AR: variants seen among roughly 807,000 people sequenced by gnomAD.
AR encodes dihydrotestosterone receptor.
Under a neutral mutation model 53.9 loss-of-function variants are expected in AR, and 8 were observed. That is an observed-to-expected ratio of 0.15 (90% CI 0.09 to 0.27). The LOEUF (loss-of-function observed/expected upper bound fraction) is 0.27, where lower values mean the gene tolerates loss of function less well. Among genes scored for constraint, AR ranks in the 10% least tolerant of loss-of-function variants. The pLI, the probability that AR is intolerant of heterozygous loss-of-function variation, is 1.00. For synonymous variants in AR, 359 were observed against 316.4 expected (o/e 1.13, Z -1.43); for missense variants, 639 against 742.5 (o/e 0.86, Z 1.62).
At chrX:67,617,104 T>C (rs1924158622) in intron 1 of AR, among the ~76,000 whole-genome samples, 1 of 111,857 alleles carries the variant, frequency 8.9e-6, no homozygotes, top group South Asian at 3.7e-4. Flanking sequence ...GCCAAGCTCT[T>C]TTCTTCACTT....
chrX:67,573,437 G>A (rs953607511), intron 1 of AR, among the ~76,000 whole-genome samples: 7 of 111,465 alleles, frequency 6.3e-5, no homozygotes, highest in Non-Finnish European at 9.4e-5. Context: ...GCCCGTTAAC[G>A]TTTATCCATT....
At chrX:67,692,945 A>G (rs1444572151) in intron 3 of AR, among the ~76,000 whole-genome samples, 2 of 112,424 alleles carry the variant, frequency 1.8e-5, no homozygotes, top group African/African-American at 6.5e-5. Flanking sequence ...ATTTGGTGAC[A>G]CTTTGGAGGG....
At chrX:67,721,748 C>T (rs186349231) in intron 5 of AR, 85 bp from the exon 6 acceptor site, 48 of 1,153,115 alleles carry the variant, frequency 4.2e-5, no homozygotes, top group East Asian at 2.4e-4. Context: ...GAAAACCTGG[C>T]GAGGGATGGC....
At chrX:67,633,185 A>G (rs915356875) in intron 1 of AR, among the ~76,000 whole-genome samples, 1 of 112,178 alleles carries the variant, frequency 8.9e-6, no homozygotes, top group African/African-American at 3.2e-5. Context: ...TTTGCTATAT[A>G]GCTAAATTGT....
chrX:67,638,772 AG>A (rs1194131297), intron 1 of AR, among the ~76,000 whole-genome samples: 1 of 111,977 alleles, frequency 8.9e-6, no homozygotes, highest in East Asian at 2.8e-4. Flanking sequence ...CCCATTCTGT[AG>A]GTTGCTTGTT....
chrX:67,631,824 A>C (rs781687438), intron 1 of AR, among the ~76,000 whole-genome samples: 2 of 111,650 alleles, frequency 1.8e-5, no homozygotes, highest in East Asian at 5.7e-4. Context: ...TTTGGTGTGG[A>C]TGTCCTTTCT....
At chrX:67,720,458 A>C (rs984329172) in intron 5 of AR, among the ~76,000 whole-genome samples, 9 of 111,852 alleles carry the variant, frequency 8.0e-5, no homozygotes, top group African/African-American at 1.3e-4. Flanking sequence ...ATTGTCATCA[A>C]CAGAGGTGGG....
intron 1 of AR, among the ~76,000 whole-genome samples, chrX:67,580,978 C>T (rs940097545): frequency 8.0e-5 from 9 of 111,963 alleles, no homozygotes; most frequent in Admixed American, 2.8e-4. Flanking sequence ...GTTGAATAAT[C>T]TAAGCCAAGA....
At chrX:67,626,720 C>T (rs1266050019) in intron 1 of AR, among the ~76,000 whole-genome samples, 3 of 99,767 alleles carry the variant, frequency 3.0e-5, no homozygotes, top group Non-Finnish European at 4.0e-5. Context: ...CATGCAGGTG[C>T]GCTGCACCCA....
At position 67,569,065 on chromosome X, in the gene AR, GGTAGTGAGTGTTGTAA is replaced by G. The variant is rs1921686757; in HGVS notation, c.1616+22305_1616+22320del. On this transcript the variant is annotated intron_variant, in intron 1 of 7. Transcript: ENST00000374690. ...TGAAAACTTAGAACTCAGTTTCTAGGGTAGTGAGTGTTGTAAGGTTTGGACTGTGACCTAATATTAC... is the reference window on the plus strand; with the variant it reads ...TGAAAACTTAGAACTCAGTTTCTAGGGGTTTGGACTGTGACCTAATATTAC... The G allele has an allele frequency of 2.5e-6, 3 of 1,185,249 alleles. No homozygotes were observed. In the East Asian group the frequency reaches 8.9e-5, roughly 35 times the overall value.
chrX:67,631,900 G>T (rs1024496625), intron 1 of AR, among the ~76,000 whole-genome samples: 5 of 113,138 alleles, frequency 4.4e-5, no homozygotes, highest in Non-Finnish European at 9.4e-5. Flanking sequence ...ACCCGGCCGT[G>T]TGAGGTGTCA....
chrX:67,568,313 T>A (rs1047158907), intron 1 of AR, among the ~76,000 whole-genome samples: 4 of 111,748 alleles, frequency 3.6e-5, no homozygotes, highest in African/African-American at 1.3e-4. Context: ...TCAGAAATAG[T>A]CATAATTTAG....
In AR at chrX:67,723,922, C is replaced by T. The variant is rs2076147988; in HGVS notation, c.*81C>T. The T allele has an allele frequency of 9.0e-7, 1 of 1,107,367 alleles. No homozygotes were observed. The highest frequency in any genetic ancestry group is 1.2e-6 in the Non-Finnish European group (1 of 809,854). The allele number at this position is 1,107,367 out of a possible 1,213,427, so 91.3% of individuals were successfully genotyped here. ...TGCCTGTTATAACTCTGCACTACTC[C>T]TCTGCAGTGCCTTGGGGAATTTCCT... is the stretch of plus-strand genomic sequence containing the variant. On this transcript the variant is annotated 3_prime_UTR_variant, in exon 8 of 8. Transcript: ENST00000374690.
intron 1 of AR, among the ~76,000 whole-genome samples, chrX:67,621,227 A>C (rs957166967): frequency 5.4e-5 from 6 of 111,223 alleles, no homozygotes; most frequent in Non-Finnish European, 1.1e-4. Context: ...CTAGGCTTGA[A>C]ATTTCCCCCA....
chrX:67,562,146 A>C (rs2147338395), intron 1 of AR, among the ~76,000 whole-genome samples: 1 of 108,233 alleles, frequency 9.2e-6, no homozygotes, highest in African/African-American at 3.4e-5. Context: ...TTATTTTAGT[A>C]GAGACGGAGA....
intron 2 of AR, among the ~76,000 whole-genome samples, chrX:67,660,931 T>A (rs1408672168): frequency 9.0e-6 from 1 of 111,577 alleles, no homozygotes; most frequent in Non-Finnish European, 1.9e-5. Context: ...GTCCTTCAAG[T>A]CCCTTGTAAG....
intron 5 of AR, among the ~76,000 whole-genome samples, chrX:67,720,858 C>T (rs1224761304): frequency 1.9e-5 from 2 of 107,552 alleles, no homozygotes; most frequent in Admixed American, 2.0e-4. Context: ...TCTGCACACG[C>T]TGCACAATCA....
intron 1 of AR, among the ~76,000 whole-genome samples, chrX:67,593,429 T>G (rs1178373786): frequency 9.2e-6 from 1 of 108,581 alleles, no homozygotes; most frequent in Non-Finnish European, 1.9e-5. Flanking sequence ...TGGAGTGATC[T>G]TGGCTCACTG....
In AR at chrX:67,545,604, C is replaced by T. The variant is rs765142941; in HGVS notation, c.458C>T (p.Pro153Leu). The T allele has an allele frequency of 1.8e-5, 21 of 1,188,082 alleles. No individual in the cohort carries two copies. In the South Asian group the frequency reaches 3.7e-4, roughly 21 times the overall value. ...CTGCCGCAGCAGCTGCCAGCACCTC[C>T]GGACGAGGATGACTCAGCTGCCCCA... The part of the protein sequence containing the change: ...KGLPQQLPAP[P>L]DEDDSAAPST... The change falls in exon 1 of 8, where the codon CCG becomes CTG. Residue 153 changes from proline (P) to leucine (L), a missense_variant. Pro to Leu is a moderately conservative substitution (Grantham distance 98). Coordinates refer to ENST00000374690, the MANE Select transcript of AR (RefSeq NM_000044.6).
Sources: gnomAD v4.1 joint callset for allele counts (sites outside exome capture counted in the v4.1 genomes callset) on GRCh38, gnomAD v4.1.1 for gene constraint, MANE v1.5 for transcripts, NCBI Gene and HGNC (gene_info 2026-07-23, HGNC 2026-07-21) for gene names.